The following PRLR variants were observed in gnomAD, a reference collection of about 807,000 sequenced individuals.
PRLR encodes prolactin receptor.
Under a neutral mutation model 40.2 loss-of-function variants are expected in PRLR, and 13 were observed. The ratio of observed to expected loss-of-function variants is 0.32; its 90% CI spans 0.21 to 0.51. The LOEUF is 0.51. Ranked by LOEUF, PRLR falls within the 20% of genes least tolerant of loss-of-function variation. The probability of loss-of-function intolerance (pLI) is 0.97; values close to 1 mark genes in which losing one functional copy is unlikely to be tolerated. For synonymous variants in PRLR, 269 were observed against 278.7 expected, an observed-to-expected ratio of 0.97 and a Z score of 0.35; for missense variants, 656 against 747.3, an observed-to-expected ratio of 0.88 and a Z score of 1.42.
chr5:35,084,719 T>C (rs773281890), intron 4 of PRLR, 80 bp from the exon 5 acceptor site: 13 of 1,358,506 alleles, frequency 9.6e-6, no homozygotes, highest in African/African-American at 1.5e-5. Flanking sequence ...TCAATACCAC[T>C]GGCCTTTGGG....
intron 4 of PRLR, among the ~76,000 whole-genome samples, chr5:35,085,200 G>T (rs1770771161): frequency 6.6e-6 from 1 of 152,182 alleles, no homozygotes; most frequent in Admixed American, 6.5e-5. Context: ...GGCTCAGTAG[G>T]CTGCTCACAT....
chr5:35,072,724 C>T lies in PRLR; in HGVS notation c.394G>A (p.Glu132Lys), dbSNP rs759275611. 3 of 1,614,084 alleles carry T rather than the reference C, an allele frequency of 1.9e-6. No individual in the cohort carries two copies. Among genetic ancestry groups the T allele is most frequent in the Non-Finnish European group, 1.7e-6 (2 of 1,179,982 alleles). ...TYIVQPDPPL[E>K]LAVEVKQPED... ...GGCTGTTTTACTTCCACAGCCAGCTCCAAAGGAGGGTCTGGCTGAACTGCA... is the reference window on the plus strand; with the variant it reads ...GGCTGTTTTACTTCCACAGCCAGCTTCAAAGGAGGGTCTGGCTGAACTGCA... The change falls in exon 6 of 10, where the codon GAG becomes AAG. Residue 132 changes from glutamate to lysine, a missense_variant. By Grantham distance (56) the Glu-to-Lys change is moderately conservative. This residue lies in a region of PRLR where 180 missense variants were observed against 236.8 expected (regional missense o/e 0.76). Transcript: ENST00000618457.
intron 5 of PRLR, among the ~76,000 whole-genome samples, chr5:35,083,104 A>C (rs1483106829): frequency 6.9e-6 from 1 of 145,132 alleles, no homozygotes; most frequent in Admixed American, 6.8e-5. Context: ...CACACACACC[A>C]CACTTATATA....
chr5:35,074,054 G>A (rs1472133527), intron 5 of PRLR, among the ~76,000 whole-genome samples: 2 of 152,096 alleles, frequency 1.3e-5, no homozygotes, highest in African/African-American at 4.8e-5. Context: ...AGATTCAAAA[G>A]AATTGAAAAC....
downstream of PRLR, among the ~76,000 whole-genome samples, chr5:35,054,170 A>C (rs1323687754): frequency 6.6e-6 from 1 of 152,230 alleles, no homozygotes; most frequent in Admixed American, 6.5e-5. Context: ...GGTAGTGATA[A>C]AGATGACGAG....
At chr5:35,209,202 A>G (rs1776103676) in intron 1 of PRLR, among the ~76,000 whole-genome samples, 1 of 152,030 alleles carries the variant, frequency 6.6e-6, no homozygotes, top group Admixed American at 6.5e-5. Context: ...ATTTCATTCT[A>G]GAATGCCAAA....
intron 1 of PRLR, among the ~76,000 whole-genome samples, chr5:35,151,325 T>C (rs1774335723): frequency 6.6e-6 from 1 of 152,182 alleles, no homozygotes; most frequent in African/African-American, 2.4e-5. Context: ...CAGCTTGGAT[T>C]GCTAAGCCAA....
Position 35,170,811 on chromosome 5 carries a change from C to T in PRLR, c.-105-52689G>A, listed in dbSNP as rs190377839. Among the ~76,000 whole-genome samples, 499 of 152,280 alleles carry T rather than the reference C, an allele frequency of 3.3e-3. 4 individuals are homozygous for T. The highest frequency in any genetic ancestry group is 0.012 in the African/African-American group (481 of 41,536). On this transcript the variant is annotated intron_variant, in intron 1 of 9. Coordinates refer to ENST00000618457, the MANE Select transcript of PRLR (RefSeq NM_000949.7). Reference sequence around the variant, plus strand: ...ATCTATTGTGAGCACAGATTTAGCACAAGGGTCAGAGCCTGAGTCTAGTTT... The same window carrying T: ...ATCTATTGTGAGCACAGATTTAGCATAAGGGTCAGAGCCTGAGTCTAGTTT...
At chr5:35,080,356 C>G (rs1179124397) in intron 5 of PRLR, among the ~76,000 whole-genome samples, 1 of 152,112 alleles carries the variant, frequency 6.6e-6, no homozygotes, top group Non-Finnish European at 1.5e-5. Flanking sequence ...AAAAATCAAA[C>G]AACCCCATCA....
At chr5:35,143,605 T>C (rs1774084997) in intron 1 of PRLR, among the ~76,000 whole-genome samples, 1 of 152,226 alleles carries the variant, frequency 6.6e-6, no homozygotes, top group African/African-American at 2.4e-5. Flanking sequence ...CTCACCTAAA[T>C]GTAAACTTGA....
chr5:35,051,885 C>G (rs549506444), downstream of PRLR, among the ~76,000 whole-genome samples: 234 of 152,132 alleles, frequency 1.5e-3, no homozygotes, highest in Non-Finnish European at 3.0e-3. Flanking sequence ...AATTACCACT[C>G]CCAGGAAAAT....
At chr5:35,080,325 A>G (rs1248426753) in intron 5 of PRLR, among the ~76,000 whole-genome samples, 1 of 152,200 alleles carries the variant, frequency 6.6e-6, no homozygotes, top group Non-Finnish European at 1.5e-5. Flanking sequence ...TCTACAAAGA[A>G]CTTAAACACG....
intron 1 of PRLR, among the ~76,000 whole-genome samples, chr5:35,213,904 C>T (rs1306065755): frequency 1.3e-5 from 2 of 152,214 alleles, no homozygotes; most frequent in Non-Finnish European, 2.9e-5. Context: ...CTGCAGAGCA[C>T]AGCTCCCGGT....
intron 1 of PRLR, among the ~76,000 whole-genome samples, chr5:35,139,115 C>T (rs1257174521): frequency 6.6e-6 from 1 of 152,060 alleles, no homozygotes; most frequent in Non-Finnish European, 1.5e-5. Context: ...TTTGAATAAA[C>T]ATATTAGCCC....
intron 1 of PRLR, among the ~76,000 whole-genome samples, chr5:35,138,135 C>T (rs979611620): frequency 6.6e-6 from 1 of 152,062 alleles, no homozygotes; most frequent in South Asian, 2.1e-4. Flanking sequence ...TGAAAATGTT[C>T]GACAAAAATT....
chr5:35,215,060 A>G (rs1776253318), intron 1 of PRLR, among the ~76,000 whole-genome samples: 1 of 152,086 alleles, frequency 6.6e-6, no homozygotes, highest in Non-Finnish European at 1.5e-5. Flanking sequence ...CTAACAATCT[A>G]TCAACTTAAG....
At chr5:35,196,642 C>T (rs1281664996) in intron 1 of PRLR, among the ~76,000 whole-genome samples, 2 of 152,238 alleles carry the variant, frequency 1.3e-5, no homozygotes, top group Non-Finnish European at 2.9e-5. Context: ...CCTCCTCTGT[C>T]TCCCAGGCTG....
At chr5:35,136,891 G>A (rs1227571817) in intron 1 of PRLR, among the ~76,000 whole-genome samples, 1 of 151,182 alleles carries the variant, frequency 6.6e-6, no homozygotes, top group Middle Eastern at 3.4e-3. Flanking sequence ...CCCACTCGAT[G>A]TTTATGTTGC....
At chr5:35,150,642 A>G (rs1032195686) in intron 1 of PRLR, among the ~76,000 whole-genome samples, 3 of 152,218 alleles carry the variant, frequency 2.0e-5, no homozygotes, top group Admixed American at 6.5e-5. Context: ...TAAGGCCTAC[A>G]AGGGGAAAGA....
Sources: allele counts gnomAD v4.1 joint callset (sites outside exome capture counted in the v4.1 genomes callset), GRCh38; gene constraint gnomAD v4.1.1; regional missense constraint gnomAD v4.1.1; transcripts MANE v1.5; gene names NCBI Gene and HGNC (gene_info 2026-07-23, HGNC 2026-07-21).